Variants in TBC1D5 observed in about 807,000 individuals in gnomAD.
TBC1D5 encodes TBC1 domain family member 5, also known as TBC1 domain family, member 5.
A neutral mutation model predicts 100.3 loss-of-function variants in TBC1D5; 75 were observed. That is an observed-to-expected ratio of 0.75 (90% CI 0.62 to 0.91). The LOEUF (loss-of-function observed/expected upper bound fraction) is 0.91, where lower values mean the gene tolerates loss of function less well. Among genes scored for constraint, TBC1D5 ranks in the 40% least tolerant of loss-of-function variants. The pLI is 0.00. For missense variants in TBC1D5, 910 were observed against 942.4 expected (o/e 0.97, Z 0.45); for synonymous variants, 323 against 325.6 (o/e 0.99, Z 0.09).
At chr3:17,528,978 G>A (rs1393699130) in intron 2 of TBC1D5, among the ~76,000 whole-genome samples, 1 of 152,038 alleles carries the variant, frequency 6.6e-6, no homozygotes, top group Admixed American at 6.5e-5. Context: ...CCTAATTTAA[G>A]CTAGCATCAT....
intron 1 of TBC1D5, among the ~76,000 whole-genome samples, chr3:17,706,422 T>TAGACACACAC (rs113465892): frequency 2.6e-5 from 4 of 151,304 alleles, no homozygotes; most frequent in Admixed American, 1.3e-4. Context: ...CAACTTTACT[T>TAGACACACAC]ACACACACAC....
chr3:17,507,218 T>G (rs1198767684), intron 3 of TBC1D5, among the ~76,000 whole-genome samples: 1 of 152,164 alleles, frequency 6.6e-6, no homozygotes, highest in Non-Finnish European at 1.5e-5. Flanking sequence ...AGTATTACAT[T>G]TAAGAGAAAA....
chr3:17,338,288 A>C (rs1412739735), intron 13 of TBC1D5, among the ~76,000 whole-genome samples: 3 of 152,242 alleles, frequency 2.0e-5, no homozygotes, highest in Non-Finnish European at 4.4e-5. Context: ...TTAGTTAAGG[A>C]ATGCAATAGG....
intron 15 of TBC1D5, among the ~76,000 whole-genome samples, chr3:17,289,269 C>A (rs2081475670): frequency 6.6e-6 from 1 of 152,166 alleles, no homozygotes; most frequent in Non-Finnish European, 1.5e-5. Context: ...AGGATCCGGG[C>A]TGGTGTGCAA....
chr3:17,242,987 AAAT>A (rs1395460801), intron 16 of TBC1D5, among the ~76,000 whole-genome samples: 2 of 152,160 alleles, frequency 1.3e-5, no homozygotes, highest in South Asian at 2.1e-4. Context: ...GTACCTGTGG[AAAT>A]AATAATGGAA....
intron 2 of TBC1D5, among the ~76,000 whole-genome samples, chr3:17,560,692 G>A (rs568964619): frequency 3.9e-5 from 6 of 151,966 alleles, no homozygotes; most frequent in African/African-American, 1.4e-4. Context: ...GGAGGCTGAG[G>A]CAGGTGGATC....
intron 1 of TBC1D5, among the ~76,000 whole-genome samples, chr3:17,626,820 A>C (rs993692243): frequency 6.6e-6 from 1 of 152,226 alleles, no homozygotes; most frequent in South Asian, 2.1e-4. Flanking sequence ...CCATCCTGAC[A>C]AAAATGAAAG....
chr3:17,304,157 C>T (rs1382459422), intron 14 of TBC1D5, among the ~76,000 whole-genome samples: 1 of 152,118 alleles, frequency 6.6e-6, no homozygotes, highest in Non-Finnish European at 1.5e-5. Context: ...GCCAGTCTTC[C>T]ACAGGACTCC....
chr3:17,500,640 G>A (rs1190795816), intron 3 of TBC1D5, among the ~76,000 whole-genome samples: 3 of 149,342 alleles, frequency 2.0e-5, no homozygotes, highest in Non-Finnish European at 2.9e-5. Flanking sequence ...AAAACTGCTC[G>A]CTTTGAACCT....
chr3:17,230,645 TG>T, intron 17 of TBC1D5, among the ~76,000 whole-genome samples: 1 of 152,292 alleles, frequency 6.6e-6, no homozygotes, highest in African/African-American at 2.4e-5. Flanking sequence ...TCTGTGCGTA[TG>T]TATATGCATA....
chr3:17,316,188 G>T (rs2150788203), intron 13 of TBC1D5, among the ~76,000 whole-genome samples: 1 of 152,194 alleles, frequency 6.6e-6, no homozygotes, highest in African/African-American at 2.4e-5. Flanking sequence ...GCCTATGCCT[G>T]TCCCCAGCTT....
At chr3:17,419,860 A>G (rs1435824944) in intron 4 of TBC1D5, among the ~76,000 whole-genome samples, 1 of 151,864 alleles carries the variant, frequency 6.6e-6, no homozygotes, top group Non-Finnish European at 1.5e-5. Flanking sequence ...AAAAATATTT[A>G]TTTATTTATT....
chr3:17,342,331 C>T (rs970990349), intron 13 of TBC1D5, among the ~76,000 whole-genome samples: 2 of 152,212 alleles, frequency 1.3e-5, no homozygotes, highest in African/African-American at 4.8e-5. Context: ...TGAACCACTT[C>T]CTGATTATCA....
chr3:17,701,376 A>C (rs1327347412), intron 1 of TBC1D5, among the ~76,000 whole-genome samples: 4 of 152,090 alleles, frequency 2.6e-5, no homozygotes, highest in Admixed American at 1.3e-4. Flanking sequence ...ACCTAATGTA[A>C]ATGACGAGCT....
chr3:17,561,100 A>G (rs1425874171), intron 2 of TBC1D5, among the ~76,000 whole-genome samples: 1 of 152,184 alleles, frequency 6.6e-6, no homozygotes, highest in African/African-American at 2.4e-5. Flanking sequence ...AACACATGGA[A>G]GAGCTTCTGC....
chr3:17,350,347 T>G lies in TBC1D5; in HGVS notation c.995+21728A>C, dbSNP rs555132582. On this transcript the variant is annotated intron_variant, in intron 13 of 21. Coordinates refer to ENST00000253692, the Ensembl canonical transcript of TBC1D5. ...TGACAAAGAATAAAAGTGATAGCCT[T>G]TCCCCACTGGGCCACCAATAAACAT... Among the ~76,000 whole-genome samples the G allele has an allele frequency of 2.0e-5, 3 of 152,270 alleles. No homozygotes were observed. The South Asian group carries it at 6.2e-4, about 32-fold the overall frequency.
chr3:17,325,113 T>C (rs2085919890), intron 13 of TBC1D5, among the ~76,000 whole-genome samples: 2 of 152,184 alleles, frequency 1.3e-5, no homozygotes, highest in Admixed American at 6.5e-5. Flanking sequence ...CCTTGCTATT[T>C]ATCCAAGACA....
At chr3:17,664,254 T>G (rs983750893) in intron 1 of TBC1D5, among the ~76,000 whole-genome samples, 1 of 152,106 alleles carries the variant, frequency 6.6e-6, no homozygotes, top group African/African-American at 2.4e-5. Flanking sequence ...GTATTTTTAA[T>G]AGAGACGGGG....
chr3:17,263,244 TC>T (rs2078501914), intron 15 of TBC1D5, among the ~76,000 whole-genome samples: 2 of 151,178 alleles, frequency 1.3e-5, no homozygotes, highest in Non-Finnish European at 2.9e-5. Flanking sequence ...ATGCCTGTAG[TC>T]CCAGCTACTT....
Sources: allele counts gnomAD v4.1 joint callset (sites outside exome capture counted in the v4.1 genomes callset), GRCh38; gene constraint gnomAD v4.1.1; transcripts MANE v1.5; gene names NCBI Gene and HGNC (gene_info 2026-07-23, HGNC 2026-07-21).